Variants in SEMA3C observed in about 807,000 individuals in gnomAD.
The protein encoded by SEMA3C is semaphorin-3C.
In SEMA3C, 47 loss-of-function variants were observed where a neutral mutation model predicts 89.4. The ratio of observed to expected loss-of-function variants is 0.53; its 90% CI spans 0.42 to 0.67. The LOEUF (loss-of-function observed/expected upper bound fraction) is 0.67. Among genes scored for constraint, SEMA3C ranks in the 30% least tolerant of loss-of-function variants. The probability of loss-of-function intolerance (pLI) is 0.00; values close to 1 mark genes in which losing one functional copy is unlikely to be tolerated. For synonymous variants in SEMA3C, 310 were observed against 320.2 expected (o/e 0.97, Z 0.34); for missense variants, 839 against 929.1 (o/e 0.90, Z 1.26).
intron 11 of SEMA3C, among the ~76,000 whole-genome samples, chr7:80,795,228 T>C (rs1789034022): frequency 6.6e-6 from 1 of 152,186 alleles, no homozygotes; most frequent in African/African-American, 2.4e-5. Flanking sequence ...AGACAGACAC[T>C]GCCACTCTTG....
intron 5 of SEMA3C, among the ~76,000 whole-genome samples, chr7:80,815,584 A>G (rs1244391863): frequency 4.7e-5 from 7 of 147,414 alleles, no homozygotes; most frequent in Non-Finnish European, 9.0e-5. Flanking sequence ...GTAAATGTAG[A>G]GGAAAGGGAA....
chr7:80,861,275 G>A (rs1023891717), intron 2 of SEMA3C, among the ~76,000 whole-genome samples: 1 of 152,092 alleles, frequency 6.6e-6, no homozygotes, highest in Admixed American at 6.6e-5. Flanking sequence ...CAGGGCAACA[G>A]CTTCTAGATC....
chr7:80,819,649 T>C lies in SEMA3C; in HGVS notation c.328-1231A>G, dbSNP rs570622918. Among the ~76,000 whole-genome samples, 3 of 152,326 alleles carry C rather than the reference T, an allele frequency of 2.0e-5. No homozygotes were observed. The East Asian group carries it at 5.8e-4, about 29-fold the overall frequency. On this transcript the variant is annotated intron_variant, in intron 4 of 17. Transcript: ENST00000265361. ...TCTCCTAAAATACTCCTTTCTTCTC[T>C]TGTAGAAACTCCTTTCTCACTTGCT...
chr7:80,766,025 A>G (rs890850201), intron 12 of SEMA3C, among the ~76,000 whole-genome samples: 1 of 152,244 alleles, frequency 6.6e-6, no homozygotes, highest in South Asian at 2.1e-4. Context: ...TAATAACTGT[A>G]TAAGTCACTA....
At chr7:80,907,871 C>A (rs193261204) in intron 2 of SEMA3C, among the ~76,000 whole-genome samples, 1 of 151,976 alleles carries the variant, frequency 6.6e-6, no homozygotes, top group African/African-American at 2.4e-5. Flanking sequence ...AAGGCTCCAA[C>A]GTATCCACCA....
chr7:80,805,409 TATG>T (rs963019738), intron 7 of SEMA3C, among the ~76,000 whole-genome samples: 6 of 152,246 alleles, frequency 3.9e-5, no homozygotes, highest in East Asian at 1.9e-4. Context: ...TTCATATTCA[TATG>T]ATAACTGTAG....
In SEMA3C at chr7:80,828,630, G is replaced by A. The variant is rs751271106; in HGVS notation, c.219C>T (p.His73=). The A allele has an allele frequency of 8.1e-6, 13 of 1,611,546 alleles. No homozygotes were observed. The highest frequency in any genetic ancestry group is 6.7e-5 in the African/African-American group (5 of 74,834). Residue 73 remains histidine, a synonymous_variant, in exon 3 of 18, where the codon CAC becomes CAT. Coordinates refer to ENST00000265361, the MANE Select transcript of SEMA3C (RefSeq NM_006379.5). The part of the protein sequence containing the change: ...QDRIYVGSKD[H]ILSLNINNIS... ...TATTGTTAATATTCAGGGAAAGAAT[G>A]TGATCTTTGCTTCCCACATATATCC...
chr7:80,863,972 T>C (rs759041110), intron 2 of SEMA3C, among the ~76,000 whole-genome samples: 4 of 140,698 alleles, frequency 2.8e-5, no homozygotes, highest in Non-Finnish European at 4.6e-5. Context: ...ATCACATATA[T>C]ATCACATATA....
chr7:80,781,206 C>A (rs2117092656), intron 12 of SEMA3C, among the ~76,000 whole-genome samples: 1 of 152,258 alleles, frequency 6.6e-6, no homozygotes, highest in East Asian at 1.9e-4. Context: ...AGGAAAATCT[C>A]CCCATCTCAA....
chr7:80,830,578 ACAAT>A (rs540287077), intron 2 of SEMA3C, among the ~76,000 whole-genome samples: 16 of 152,220 alleles, frequency 1.1e-4, no homozygotes, highest in Admixed American at 4.6e-4. Flanking sequence ...GTTGGAAAAA[ACAAT>A]CAAGAGGTTA....
intron 9 of SEMA3C, among the ~76,000 whole-genome samples, 183 bp downstream of exon 9, chr7:80,802,482 T>C (rs1789232273): frequency 6.6e-6 from 1 of 152,158 alleles, no homozygotes; most frequent in African/African-American, 2.4e-5. Flanking sequence ...AGTGCACTCA[T>C]GGGCGTAACA....
intron 12 of SEMA3C, among the ~76,000 whole-genome samples, chr7:80,770,622 C>A (rs1441359656): frequency 2.0e-5 from 3 of 152,176 alleles, no homozygotes; most frequent in African/African-American, 7.2e-5. Flanking sequence ...GCACTAACAC[C>A]CTGACACATC....
At chr7:80,892,457 T>A (rs1025565999) in intron 2 of SEMA3C, among the ~76,000 whole-genome samples, 4 of 152,122 alleles carry the variant, frequency 2.6e-5, no homozygotes, top group Admixed American at 6.6e-5. Flanking sequence ...GATTAAGTTG[T>A]GTGTATATTG....
At chr7:80,903,786 C>A (rs546043350) in intron 2 of SEMA3C, among the ~76,000 whole-genome samples, 22 of 152,148 alleles carry the variant, frequency 1.4e-4, no homozygotes, top group African/African-American at 5.3e-4. Flanking sequence ...ATTTAAAAGG[C>A]TAAAAAAAAT....
rs533182216 is a variant in SEMA3C at position 80,766,280 on chromosome 7, G to A, written c.1355-1037C>T. On this transcript the variant is annotated intron_variant, in intron 12 of 17. Transcript: ENST00000265361. ...CCACCCCCAACCAGTAATGTCAGGC[G>A]ACCAACAGGTGATGGTCAGGCAGTT... Among the ~76,000 whole-genome samples, 26 of 152,250 alleles carry A rather than the reference G, an allele frequency of 1.7e-4. No homozygotes were observed. In the South Asian group the frequency reaches 4.6e-3, roughly 27 times the overall value.
At chr7:80,755,291 A>T (rs1224275776) in intron 15 of SEMA3C, among the ~76,000 whole-genome samples, 1 of 151,136 alleles carries the variant, frequency 6.6e-6, no homozygotes, top group Non-Finnish European at 1.5e-5. Flanking sequence ...CTTAGAAAGG[A>T]TACCTGGGGT....
intron 12 of SEMA3C, among the ~76,000 whole-genome samples, chr7:80,775,265 G>A (rs551768940): frequency 6.6e-6 from 1 of 152,162 alleles, no homozygotes; most frequent in African/African-American, 2.4e-5. Context: ...ATGAGAACCC[G>A]GTATGATTCT....
chr7:80,806,086 C>T (rs754352876), intron 6 of SEMA3C, among the ~76,000 whole-genome samples: 22 of 151,856 alleles, frequency 1.4e-4, no homozygotes, highest in Admixed American at 5.3e-4. Flanking sequence ...AAATGGCAGA[C>T]GTATAATAGA....
At chr7:80,754,957 G>GTTTTTTTTTTTTTTTTTTTGTTT (rs1368382376) in intron 15 of SEMA3C, among the ~76,000 whole-genome samples, 3 of 108,364 alleles carry the variant, frequency 2.8e-5, no homozygotes, top group African/African-American at 1.1e-4. Flanking sequence ...GTTTTTTTTT[G>GTTTTTTTTTTTTTTTTTTTGTTT]TTTTTTTTTT....
Sources: allele counts gnomAD v4.1 joint callset (sites outside exome capture counted in the v4.1 genomes callset), GRCh38; gene constraint gnomAD v4.1.1; transcripts MANE v1.5; gene names NCBI Gene and HGNC (gene_info 2026-07-23, HGNC 2026-07-21).